The following PPARGC1A variants were observed in gnomAD, a reference collection of about 807,000 sequenced individuals.
The protein encoded by PPARGC1A is PPARG coactivator 1 alpha.
PPARGC1A carries 25 observed loss-of-function variants against 88.7 expected under a neutral mutation model. The ratio of observed to expected loss-of-function variants is 0.28; its 90% CI spans 0.21 to 0.39. PPARGC1A has a LOEUF of 0.39. Among genes scored for constraint, PPARGC1A ranks in the 10% least tolerant of loss-of-function variants. PPARGC1A has a pLI of 1.00. For missense variants in PPARGC1A, 880 were observed against 968.7 expected, an observed-to-expected ratio of 0.91 and a Z score of 1.22; for synonymous variants, 363 against 355.6, an observed-to-expected ratio of 1.02 and a Z score of -0.24.
chr4:23,956,129 A>G, the PPARGC1A span, among the ~76,000 whole-genome samples: 5 of 152,150 alleles, frequency 3.3e-5, no homozygotes, highest in South Asian at 8.3e-4. Context: ...TTAAAAATAT[A>G]AAAACCATTA....
At chr4:24,216,642 C>A in the PPARGC1A span, among the ~76,000 whole-genome samples, 1 of 152,098 alleles carries the variant, frequency 6.6e-6, no homozygotes, top group East Asian at 1.9e-4. Context: ...TGAAACATAG[C>A]TTCCTCTAGG....
chr4:24,370,063 G>A, the PPARGC1A span, among the ~76,000 whole-genome samples: 31 of 152,182 alleles, frequency 2.0e-4, no homozygotes, highest in African/African-American at 7.0e-4. Context: ...TTTAACAAAG[G>A]AAAAACAAGC....
the PPARGC1A span, among the ~76,000 whole-genome samples, chr4:24,261,708 T>C: frequency 1.3e-5 from 2 of 151,940 alleles, no homozygotes. Flanking sequence ...GGTTATTTTA[T>C]TTCATTCATG....
chr4:24,393,464 G>A, the PPARGC1A span, among the ~76,000 whole-genome samples: 3 of 152,102 alleles, frequency 2.0e-5, no homozygotes, highest in Admixed American at 6.5e-5. Flanking sequence ...CATAACATAC[G>A]CACCCTTGCA....
At chr4:24,066,107 C>T in the PPARGC1A span, among the ~76,000 whole-genome samples, 3 of 151,966 alleles carry the variant, frequency 2.0e-5, no homozygotes, top group African/African-American at 4.8e-5. Context: ...TCAGTCTCCT[C>T]GGTGGAAGCT....
chr4:23,976,958 A>G, the PPARGC1A span, among the ~76,000 whole-genome samples: 1 of 152,124 alleles, frequency 6.6e-6, no homozygotes, highest in African/African-American at 2.4e-5. Context: ...AGAAGGAAGA[A>G]GAGGAAAAGG....
chr4:24,073,041 A>G, the PPARGC1A span, among the ~76,000 whole-genome samples: 13 of 137,626 alleles, frequency 9.4e-5, no homozygotes, highest in African/African-American at 3.4e-4. Flanking sequence ...GTTTTGTTTT[A>G]TTTTTGCTTT....
At chr4:24,174,493 T>C in the PPARGC1A span, among the ~76,000 whole-genome samples, 1 of 152,196 alleles carries the variant, frequency 6.6e-6, no homozygotes, top group Non-Finnish European at 1.5e-5. Context: ...TTACTATAGA[T>C]TTGGTTTCTT....
the PPARGC1A span, among the ~76,000 whole-genome samples, chr4:24,013,292 A>G: frequency 6.6e-6 from 1 of 152,202 alleles, no homozygotes; most frequent in East Asian, 1.9e-4. Flanking sequence ...TCCAAGTTCA[A>G]CGTTTGCTAA....
the PPARGC1A span, among the ~76,000 whole-genome samples, chr4:24,176,485 C>A: frequency 6.6e-6 from 1 of 152,084 alleles, no homozygotes; most frequent in African/African-American, 2.4e-5. Flanking sequence ...GCCAGGAGAT[C>A]TTCAAAGGCA....
the PPARGC1A span, among the ~76,000 whole-genome samples, chr4:24,263,762 T>A: frequency 3.3e-5 from 5 of 152,140 alleles, no homozygotes; most frequent in Non-Finnish European, 5.9e-5. Context: ...TGATTTTTAT[T>A]TTTTTGAGAC....
At chr4:24,348,680 G>C in the PPARGC1A span, among the ~76,000 whole-genome samples, 1 of 152,070 alleles carries the variant, frequency 6.6e-6, no homozygotes, top group South Asian at 2.1e-4. Context: ...TCTTTAAGCT[G>C]TCTATTTCCA....
At chr4:23,861,243 G>A (rs1731179337) in intron 2 of PPARGC1A, among the ~76,000 whole-genome samples, 2 of 152,176 alleles carry the variant, frequency 1.3e-5, no homozygotes, top group African/African-American at 4.8e-5. Flanking sequence ...ACAAAAACCT[G>A]TATTATTCGA....
the PPARGC1A span, among the ~76,000 whole-genome samples, chr4:24,430,418 C>T: frequency 3.4e-4 from 51 of 151,850 alleles, no homozygotes; most frequent in East Asian, 6.2e-3. Flanking sequence ...CCACCACGCC[C>T]GGCTAATTTT....
chr4:24,050,067 G>A, the PPARGC1A span, among the ~76,000 whole-genome samples: 29 of 152,008 alleles, frequency 1.9e-4, no homozygotes, highest in African/African-American at 6.3e-4. Context: ...ATTTTTTTGT[G>A]AATTATTTTA....
At chr4:24,166,715 C>A in the PPARGC1A span, among the ~76,000 whole-genome samples, 1 of 152,276 alleles carries the variant, frequency 6.6e-6, no homozygotes, top group Non-Finnish European at 1.5e-5. Context: ...ATAAATGGAA[C>A]AACAAAGCCT....
chr4:24,158,095 C>T, the PPARGC1A span, among the ~76,000 whole-genome samples: 2 of 148,758 alleles, frequency 1.3e-5, no homozygotes, highest in African/African-American at 2.5e-5. Context: ...CACTCTCCAA[C>T]CCTTTTTGTT....
the PPARGC1A span, among the ~76,000 whole-genome samples, chr4:24,194,083 C>T: frequency 6.4e-5 from 9 of 141,704 alleles, no homozygotes; most frequent in Admixed American, 3.6e-4. Flanking sequence ...GAGCCAAGAT[C>T]GTGCCATTGC....
At chr4:23,963,027 G>T in the PPARGC1A span, among the ~76,000 whole-genome samples, 2 of 152,174 alleles carry the variant, frequency 1.3e-5, no homozygotes, top group African/African-American at 2.4e-5. Context: ...TGAAAATTGA[G>T]ATTTTTGAAT....
Sources: allele counts gnomAD v4.1 joint callset (sites outside exome capture counted in the v4.1 genomes callset), GRCh38; gene constraint gnomAD v4.1.1; transcripts MANE v1.5; gene names NCBI Gene and HGNC (gene_info 2026-07-23, HGNC 2026-07-21).